The following ARL15 variants were observed in gnomAD, a reference collection of about 807,000 sequenced individuals.
ARL15 encodes ARF like GTPase 15, also known as ADP-ribosylation factor-like protein 15.
A neutral mutation model predicts 25.2 loss-of-function variants in ARL15; 19 were observed. The ratio of observed to expected loss-of-function variants is 0.75; its 90% CI spans 0.53 to 1.10. ARL15 has a LOEUF of 1.10. Among genes scored for constraint, ARL15 ranks in the 50% least tolerant of loss-of-function variants. The pLI is 0.00. For synonymous variants in ARL15, 94 were observed against 86.8 expected (o/e 1.08, Z -0.46); for missense variants, 220 against 246.0 (o/e 0.89, Z 0.71).
chr5:54,044,143 T>C (rs1043057949), intron 4 of ARL15, among the ~76,000 whole-genome samples: 4 of 152,110 alleles, frequency 2.6e-5, no homozygotes, highest in Admixed American at 6.5e-5. Context: ...GCCTTTAACA[T>C]ACAAAAGTTT....
intron 1 of ARL15, among the ~76,000 whole-genome samples, chr5:54,238,979 G>A (rs1756883185): frequency 6.6e-6 from 1 of 152,146 alleles, no homozygotes; most frequent in African/African-American, 2.4e-5. Context: ...TCATTGATGG[G>A]GAACTAAGCC....
chr5:54,017,866 G>A (rs75729522), intron 4 of ARL15, among the ~76,000 whole-genome samples: 6,110 of 151,920 alleles, frequency 0.04, 131 homozygotes, highest in Non-Finnish European at 0.057. Flanking sequence ...CAAGAAAATC[G>A]GAATGGACTT....
chr5:53,920,068 T>A (rs1745795523), intron 4 of ARL15, among the ~76,000 whole-genome samples: 3 of 152,170 alleles, frequency 2.0e-5, no homozygotes, highest in African/African-American at 7.2e-5. Context: ...ATGAATAAAA[T>A]TTATAACTAC....
chr5:54,293,300 G>A (rs1472609307), intron 1 of ARL15, among the ~76,000 whole-genome samples: 1 of 152,182 alleles, frequency 6.6e-6, no homozygotes, highest in Non-Finnish European at 1.5e-5. Context: ...TCTAAAGGCA[G>A]TTTTTGTGTT....
chr5:54,044,458 C>G (rs536319855), intron 4 of ARL15, among the ~76,000 whole-genome samples: 1 of 151,950 alleles, frequency 6.6e-6, no homozygotes, highest in African/African-American at 2.4e-5. Flanking sequence ...TTGGCCAAGC[C>G]GGTCTCAAAC....
intron 3 of ARL15, among the ~76,000 whole-genome samples, chr5:54,123,704 A>T (rs2112252078): frequency 6.6e-6 from 1 of 152,280 alleles, no homozygotes; most frequent in South Asian, 2.1e-4. Context: ...CATCACATAT[A>T]CCATCAAGCA....
chr5:53,954,030 TTAGTTGAATA>T (rs1320738843), intron 4 of ARL15, among the ~76,000 whole-genome samples: 1 of 151,994 alleles, frequency 6.6e-6, no homozygotes, highest in Non-Finnish European at 1.5e-5. Flanking sequence ...TTTCAGATCT[TTAGTTGAATA>T]TGTATCGGTA....
intron 4 of ARL15, among the ~76,000 whole-genome samples, chr5:54,058,668 G>A (rs1205403972): frequency 2.0e-5 from 3 of 152,162 alleles, no homozygotes; most frequent in Admixed American, 6.5e-5. Flanking sequence ...GAGCAGAAGC[G>A]GGACAGTGTG....
At chr5:54,293,915 G>A (rs1040313286) in intron 1 of ARL15, among the ~76,000 whole-genome samples, 2 of 152,028 alleles carry the variant, frequency 1.3e-5, no homozygotes, top group Non-Finnish European at 1.5e-5. Context: ...TGCAACCTCC[G>A]CCTCCTGGGT....
chr5:53,935,703 A>G (rs1746328739), intron 4 of ARL15, among the ~76,000 whole-genome samples: 1 of 152,220 alleles, frequency 6.6e-6, no homozygotes, highest in Non-Finnish European at 1.5e-5. Context: ...TCCCCAAAGT[A>G]AACAACAACA....
chr5:53,890,539 C>A (rs1177073552), intron 4 of ARL15, among the ~76,000 whole-genome samples: 1 of 152,174 alleles, frequency 6.6e-6, no homozygotes, highest in Non-Finnish European at 1.5e-5. Context: ...CCTTTGGAGA[C>A]GGCACTTGGG....
At chr5:54,070,904 C>T (rs1367743502) in intron 4 of ARL15, among the ~76,000 whole-genome samples, 2 of 151,982 alleles carry the variant, frequency 1.3e-5, no homozygotes, top group African/African-American at 4.8e-5. Context: ...TGCAATGGCT[C>T]ATGTCTGTAA....
intron 4 of ARL15, among the ~76,000 whole-genome samples, chr5:54,045,994 T>C (rs1750497553): frequency 6.6e-6 from 1 of 152,246 alleles, no homozygotes; most frequent in Non-Finnish European, 1.5e-5. Flanking sequence ...TAAGATTATA[T>C]CTGTAATAAA....
At chr5:53,999,922 A>G (rs1193055152) in intron 4 of ARL15, among the ~76,000 whole-genome samples, 1 of 152,104 alleles carries the variant, frequency 6.6e-6, no homozygotes, top group African/African-American at 2.4e-5. Flanking sequence ...AAAAATAAAA[A>G]TAAGGAAAAA....
intron 3 of ARL15, among the ~76,000 whole-genome samples, chr5:54,126,287 C>G (rs1358474982): frequency 1.3e-5 from 2 of 152,178 alleles, no homozygotes; most frequent in African/African-American, 4.8e-5. Context: ...ATGTTCCCTT[C>G]TAGATGTTCC....
intron 1 of ARL15, among the ~76,000 whole-genome samples, chr5:54,232,002 G>A (rs1756685796): frequency 6.6e-6 from 1 of 152,154 alleles, no homozygotes; most frequent in African/African-American, 2.4e-5. Context: ...CTACGCTGCG[G>A]CCACACTGAC....
At chr5:54,172,190 C>T (rs1754740418) in intron 1 of ARL15, among the ~76,000 whole-genome samples, 1 of 152,116 alleles carries the variant, frequency 6.6e-6, no homozygotes, top group African/African-American at 2.4e-5. Flanking sequence ...AAAAGCATGA[C>T]ATCATCCCAC....
chr5:53,992,669 A>G (rs916093465), intron 4 of ARL15, among the ~76,000 whole-genome samples: 7 of 152,206 alleles, frequency 4.6e-5, no homozygotes, highest in African/African-American at 1.7e-4. Flanking sequence ...AGTACCAACA[A>G]TGTCATGGAC....
At chr5:54,199,324 G>A (rs1418385817) in intron 1 of ARL15, among the ~76,000 whole-genome samples, 1 of 151,820 alleles carries the variant, frequency 6.6e-6, no homozygotes, top group African/African-American at 2.4e-5. Context: ...AAGAGCTTCT[G>A]CACAGCAAAA....
Sources: gnomAD v4.1 joint callset for allele counts (sites outside exome capture counted in the v4.1 genomes callset) on GRCh38, gnomAD v4.1.1 for gene constraint, MANE v1.5 for transcripts, NCBI Gene and HGNC (gene_info 2026-07-23, HGNC 2026-07-21) for gene names.